Variants in HEMK2 observed in about 807,000 individuals in gnomAD.
HEMK2 encodes HemK methyltransferase 2, ETF1 glutamine and histone H4 lysine, also known as methyltransferase HEMK2.
the HEMK2 span, among the ~76,000 whole-genome samples, chr21:28,654,096 T>C: frequency 2.0e-5 from 3 of 152,228 alleles, no homozygotes; most frequent in Admixed American, 2.0e-4. Flanking sequence ...ACAGCAACCA[T>C]GAAGAGGAAG....
chr21:28,698,161 G>T, the HEMK2 span, among the ~76,000 whole-genome samples: 2 of 152,138 alleles, frequency 1.3e-5, no homozygotes, highest in Non-Finnish European at 2.9e-5. Flanking sequence ...TATGAATTTA[G>T]GAAACACACG....
the HEMK2 span, among the ~76,000 whole-genome samples, chr21:28,831,678 A>AGAAG: frequency 3.2e-5 from 1 of 30,838 alleles, no homozygotes; most frequent in African/African-American, 1.6e-4. Flanking sequence ...AAAGAAAGAA[A>AGAAG]GAAAGAAGGA....
At chr21:28,823,090 C>T in the HEMK2 span, among the ~76,000 whole-genome samples, 2 of 152,132 alleles carry the variant, frequency 1.3e-5, no homozygotes, top group Non-Finnish European at 2.9e-5. Context: ...TCAAGCTTGA[C>T]AAATGCACTG....
At chr21:28,814,096 G>C in the HEMK2 span, among the ~76,000 whole-genome samples, 3 of 152,062 alleles carry the variant, frequency 2.0e-5, no homozygotes, top group African/African-American at 7.2e-5. Context: ...AATTAGCTGG[G>C]CATGGTGGTG....
chr21:28,661,409 A>G, the HEMK2 span, among the ~76,000 whole-genome samples: 28,161 of 151,718 alleles, frequency 0.19, 2,813 homozygotes, highest in East Asian at 0.38. Context: ...TAATTTTATC[A>G]TATCATTAAT....
the HEMK2 span, among the ~76,000 whole-genome samples, chr21:28,757,839 G>A: frequency 6.6e-6 from 1 of 152,136 alleles, no homozygotes; most frequent in African/African-American, 2.4e-5. Flanking sequence ...AGTTTGTTCA[G>A]GAGCTTTTCC....
chr21:28,628,171 A>G, the HEMK2 span, among the ~76,000 whole-genome samples: 1 of 152,204 alleles, frequency 6.6e-6, no homozygotes, highest in Non-Finnish European at 1.5e-5. Context: ...TAACAATAGC[A>G]TATGTATCTA....
the HEMK2 span, among the ~76,000 whole-genome samples, chr21:28,583,985 G>A: frequency 2.6e-5 from 4 of 152,134 alleles, no homozygotes; most frequent in Non-Finnish European, 4.4e-5. Context: ...AAAAGAAAAT[G>A]TACAGGAGTC....
At chr21:28,774,853 A>G in the HEMK2 span, among the ~76,000 whole-genome samples, 4 of 152,168 alleles carry the variant, frequency 2.6e-5, no homozygotes, top group Non-Finnish European at 4.4e-5. Flanking sequence ...TCTTTGTAAT[A>G]TTTATTTAAT....
the HEMK2 span, among the ~76,000 whole-genome samples, chr21:28,708,545 T>A: frequency 1.3e-5 from 2 of 152,164 alleles, no homozygotes; most frequent in Non-Finnish European, 2.9e-5. Flanking sequence ...ATTCCAAGCA[T>A]ATGTACAGAA....
At chr21:28,862,970 T>A in the HEMK2 span, among the ~76,000 whole-genome samples, 1 of 152,250 alleles carries the variant, frequency 6.6e-6, no homozygotes, top group East Asian at 1.9e-4. Context: ...ATTTGAAGAT[T>A]ATGTGTGATC....
the HEMK2 span, among the ~76,000 whole-genome samples, chr21:28,866,435 T>C: frequency 3.3e-5 from 3 of 91,710 alleles, no homozygotes; most frequent in South Asian, 5.3e-4. Context: ...GGTAACAGAG[T>C]GAGACTCCAT....
the HEMK2 span, among the ~76,000 whole-genome samples, chr21:28,680,903 A>T: frequency 6.6e-6 from 1 of 152,122 alleles, no homozygotes; most frequent in Non-Finnish European, 1.5e-5. Context: ...GACGTATCTC[A>T]AAATAATAAG....
chr21:28,590,968 T>A, the HEMK2 span, among the ~76,000 whole-genome samples: 9 of 152,096 alleles, frequency 5.9e-5, no homozygotes, highest in South Asian at 6.2e-4. Flanking sequence ...TAATAAGGAG[T>A]CATGGATCAC....
the HEMK2 span, chr21:28,626,464 T>C: frequency 6.6e-6 from 1 of 152,152 alleles, no homozygotes; most frequent in African/African-American, 2.4e-5. Context: ...GGAGCAAATA[T>C]TTGAAATACA....
chr21:28,807,858 ATT>A, the HEMK2 span, among the ~76,000 whole-genome samples: 3 of 151,992 alleles, frequency 2.0e-5, no homozygotes, highest in Non-Finnish European at 4.4e-5. Context: ...CTAATGATTA[ATT>A]TTTTTCCCAT....
At chr21:28,750,830 G>T in the HEMK2 span, among the ~76,000 whole-genome samples, 1 of 151,710 alleles carries the variant, frequency 6.6e-6, no homozygotes, top group Non-Finnish European at 1.5e-5. Flanking sequence ...ATGAAAGAAA[G>T]AATTGTTGGC....
the HEMK2 span, among the ~76,000 whole-genome samples, chr21:28,663,706 C>T: frequency 6.6e-6 from 1 of 152,274 alleles, no homozygotes; most frequent in East Asian, 1.9e-4. Flanking sequence ...TCATTGATGA[C>T]GTTAGGACAA....
At chr21:28,716,392 G>A in the HEMK2 span, among the ~76,000 whole-genome samples, 11 of 151,694 alleles carry the variant, frequency 7.3e-5, no homozygotes, top group African/African-American at 2.7e-4. Flanking sequence ...TTTTTTTGTG[G>A]CTATTGTAAA....
Sources: allele counts gnomAD v4.1 joint callset (sites outside exome capture counted in the v4.1 genomes callset), GRCh38; gene constraint gnomAD v4.1.1; transcripts MANE v1.5; gene names NCBI Gene and HGNC (gene_info 2026-07-23, HGNC 2026-07-21).